Variants in UPRT observed in about 807,000 individuals in gnomAD.
UPRT encodes the protein RP11-311P8.3.
UPRT carries 5 observed loss-of-function variants against 22.6 expected under a neutral mutation model. The observed-to-expected ratio is 0.22, with a 90% CI of 0.12 to 0.47. The LOEUF is 0.47. Among genes scored for constraint, UPRT ranks in the 20% least tolerant of loss-of-function variants. UPRT has a pLI of 0.99. For missense variants in UPRT, 181 were observed against 239.9 expected, an observed-to-expected ratio of 0.75 and a Z score of 1.62; for synonymous variants, 77 against 87.7, an observed-to-expected ratio of 0.88 and a Z score of 0.68.
chrX:75,178,694 C>T (rs1421875612), intron 4 of UPRT, among the ~76,000 whole-genome samples: 1 of 110,386 alleles, frequency 9.1e-6, no homozygotes. Context: ...GTTGTTTGTT[C>T]CTCCCGGTGG....
rs187351081 is a variant in UPRT at position 75,249,001 on chromosome X, G to A, written c.-446-42023G>A. ...GAGAAATAAAATACTTTACAGACAAGCAAATGCCGAGAGATTTTGTCACCA... is the reference window on the plus strand; with the variant it reads ...GAGAAATAAAATACTTTACAGACAAACAAATGCCGAGAGATTTTGTCACCA... On this transcript the variant is annotated intron_variant, in intron 4 of 13. Transcript: ENST00000652605. Among the ~76,000 whole-genome samples the A allele has an allele frequency of 2.6e-4, 29 of 111,375 alleles. No individual in the cohort carries two copies. In the East Asian group the frequency reaches 8.2e-3, roughly 31 times the overall value.
At chrX:75,296,919 C>T (rs373518937) in intron 3 of UPRT, among the ~76,000 whole-genome samples, 11 of 111,971 alleles carry the variant, frequency 9.8e-5, no homozygotes, top group African/African-American at 2.9e-4. Flanking sequence ...CAGTAAATAA[C>T]GTAAAACTGT....
chrX:75,228,260 T>C (rs1416221469), intron 4 of UPRT, among the ~76,000 whole-genome samples: 2 of 111,962 alleles, frequency 1.8e-5, no homozygotes, highest in African/African-American at 3.2e-5. Context: ...CATGGATCTG[T>C]CAATGGATGC....
At chrX:75,189,378 T>G (rs1010339796) in intron 4 of UPRT, among the ~76,000 whole-genome samples, 6 of 112,050 alleles carry the variant, frequency 5.4e-5, no homozygotes, top group African/African-American at 1.9e-4. Context: ...CTTTTACATT[T>G]GCTGAGGAGT....
chrX:75,256,985 T>C (rs752408187), intron 4 of UPRT, among the ~76,000 whole-genome samples: 14 of 111,566 alleles, frequency 1.3e-4, no homozygotes, highest in Non-Finnish European at 1.7e-4. Flanking sequence ...TTCCACAAGA[T>C]AGAGAAAGAG....
rs761504953 is a variant in UPRT at position 75,189,553 on chromosome X, C to G, written c.-447+21674C>G. Among the ~76,000 whole-genome samples, 50 of 111,422 alleles carry G rather than the reference C, an allele frequency of 4.5e-4. No individual in the cohort carries two copies. In the Admixed American group the frequency reaches 4.6e-3, roughly 10 times the overall value. ...GGAGATCCTTGTTAACTTTCTGTCC[C>G]GTTGAACTGTCTAATGTTGACAGTG... On this transcript the variant is annotated intron_variant, in intron 4 of 13. Transcript: ENST00000652605.
chrX:75,297,349 C>A, intron 3 of UPRT, 142 bp from the exon 4 acceptor site: 1 of 499,835 alleles, frequency 2.0e-6, no homozygotes, highest in Non-Finnish European at 3.3e-6. Flanking sequence ...CTCATTATTT[C>A]CACAGGGAAT....
intron 4 of UPRT, among the ~76,000 whole-genome samples, chrX:75,195,301 C>T (rs2082329800): frequency 8.9e-6 from 1 of 112,631 alleles, no homozygotes; most frequent in Non-Finnish European, 1.9e-5. Context: ...ATTGCAAGCA[C>T]ATGTGGCCAG....
chrX:75,299,975 ATAAAAG>A (rs1321486386), intron 5 of UPRT, 79 bp downstream of exon 5: 17 of 1,077,346 alleles, frequency 1.6e-5, no homozygotes, highest in Non-Finnish European at 2.1e-5. Context: ...GTACCCTTAT[ATAAAAG>A]GCAAAAAGAG....
At chrX:75,180,994 G>C (rs1404032337) in intron 4 of UPRT, among the ~76,000 whole-genome samples, 3 of 109,821 alleles carry the variant, frequency 2.7e-5, no homozygotes, top group African/African-American at 1.0e-4. Flanking sequence ...TATAGTTTTG[G>C]GTTTTAAATT....
At chrX:75,169,057 A>T (rs1366690003) in intron 4 of UPRT, among the ~76,000 whole-genome samples, 1 of 111,616 alleles carries the variant, frequency 9.0e-6, no homozygotes, top group Non-Finnish European at 1.9e-5. Flanking sequence ...GAGTTACTTC[A>T]CTTAGACTAA....
At chrX:75,250,236 C>T (rs1569274238) in intron 4 of UPRT, among the ~76,000 whole-genome samples, 1 of 108,546 alleles carries the variant, frequency 9.2e-6, no homozygotes, top group Non-Finnish European at 1.9e-5. Flanking sequence ...GAAATAGAGA[C>T]AAAAAAAACC....
At chrX:75,190,788 C>T (rs1405964155) in intron 4 of UPRT, among the ~76,000 whole-genome samples, 2 of 111,960 alleles carry the variant, frequency 1.8e-5, no homozygotes, top group African/African-American at 6.5e-5. Context: ...GAAGCTTGTG[C>T]GTTCATCACA....
chrX:75,197,593 A>G (rs778751618), intron 4 of UPRT, among the ~76,000 whole-genome samples: 6 of 112,172 alleles, frequency 5.3e-5, no homozygotes, highest in African/African-American at 1.6e-4. Flanking sequence ...TGCAATAATT[A>G]AAACATATAT....
intron 2 of UPRT, among the ~76,000 whole-genome samples, chrX:75,161,149 C>T (rs1471689088): frequency 3.6e-5 from 4 of 111,983 alleles, no homozygotes; most frequent in Non-Finnish European, 7.5e-5. Flanking sequence ...CTGTTTTAAG[C>T]ACTGCACTGC....
chrX:75,173,893 T>C lies in UPRT; in HGVS notation c.-447+6014T>C, dbSNP rs376295200. ...GGCAGGGCTGGCCGGCTGCTCCGAG[T>C]GCGGGGCCCGCCAAGCCCACGCCTA... On this transcript the variant is annotated intron_variant, in intron 4 of 13. Coordinates refer to the UPRT transcript ENST00000652605. Among the ~76,000 whole-genome samples, 333 of 111,748 alleles carry C rather than the reference T, an allele frequency of 3.0e-3. 1 individual carries two copies. Among genetic ancestry groups the C allele is most frequent in the African/African-American group, 9.2e-3 (285 of 30,816 alleles).
chrX:75,214,606 T>C (rs1029705172), intron 4 of UPRT, among the ~76,000 whole-genome samples: 11 of 112,575 alleles, frequency 9.8e-5, no homozygotes, highest in African/African-American at 3.2e-4. Flanking sequence ...TTAATAATAC[T>C]GTATTGTGTA....
chrX:75,281,041 T>C (rs2082654663), intron 1 of UPRT, among the ~76,000 whole-genome samples: 1 of 110,416 alleles, frequency 9.1e-6, no homozygotes, highest in African/African-American at 3.3e-5. Context: ...TTGTAGAGGG[T>C]TGAGTTCTTG....
intron 1 of UPRT, among the ~76,000 whole-genome samples, chrX:75,283,147 C>T (rs1410939875): frequency 8.9e-6 from 1 of 111,856 alleles, no homozygotes; most frequent in Non-Finnish European, 1.9e-5. Context: ...CACTTCTTTA[C>T]CTTACGTTTG....
Sources: allele counts gnomAD v4.1 joint callset (sites outside exome capture counted in the v4.1 genomes callset), GRCh38; gene constraint gnomAD v4.1.1; transcripts MANE v1.5; gene names NCBI Gene and HGNC (gene_info 2026-07-23, HGNC 2026-07-21).